Variants in CHST11 observed in about 807,000 individuals in gnomAD.
CHST11 encodes the protein carbohydrate sulfotransferase 11, also known as C4S-1.
CHST11 carries 9 observed loss-of-function variants against 30.4 expected under a neutral mutation model. That is an observed-to-expected ratio of 0.30 (90% CI 0.18 to 0.52). CHST11 has a LOEUF of 0.52. Among genes scored for constraint, CHST11 ranks in the 20% least tolerant of loss-of-function variants. The pLI is 0.97. For synonymous variants in CHST11, 152 were observed against 187.8 expected, an observed-to-expected ratio of 0.81 and a Z score of 1.56; for missense variants, 348 against 460.6, an observed-to-expected ratio of 0.76 and a Z score of 2.24.
intron 2 of CHST11, among the ~76,000 whole-genome samples, chr12:104,670,595 A>C (rs1367497393): frequency 6.9e-6 from 1 of 145,394 alleles, no homozygotes. Flanking sequence ...TCATACACAC[A>C]CTCCCACACA....
chr12:104,677,712 C>G (rs1357026225), intron 2 of CHST11, among the ~76,000 whole-genome samples: 1 of 152,256 alleles, frequency 6.6e-6, no homozygotes, highest in Non-Finnish European at 1.5e-5. Context: ...TGGCGCATAG[C>G]TGCGCACAGC....
chr12:104,632,458 A>C (rs2039279896), intron 2 of CHST11, among the ~76,000 whole-genome samples: 1 of 152,214 alleles, frequency 6.6e-6, no homozygotes, highest in Admixed American at 6.5e-5. Flanking sequence ...GAAGTGCTAG[A>C]TACAAGAGGA....
At chr12:104,666,990 C>T (rs576029122) in intron 2 of CHST11, among the ~76,000 whole-genome samples, 285 of 152,258 alleles carry the variant, frequency 1.9e-3, no homozygotes, top group Middle Eastern at 3.4e-3. Context: ...ATAGGAGGTA[C>T]CTTTAAAACG....
chr12:104,526,682 G>A (rs540700335), intron 1 of CHST11, among the ~76,000 whole-genome samples: 1 of 152,300 alleles, frequency 6.6e-6, no homozygotes, highest in Admixed American at 6.5e-5. Flanking sequence ...TCAACCCACT[G>A]CAAGTCTTGT....
At chr12:104,745,952 C>T (rs1592871780) in intron 2 of CHST11, among the ~76,000 whole-genome samples, 1 of 152,158 alleles carries the variant, frequency 6.6e-6, no homozygotes, top group African/African-American at 2.4e-5. Context: ...CCTGATCACC[C>T]TGGCCAGAAA....
chr12:104,669,097 C>T (rs147894244), intron 2 of CHST11, among the ~76,000 whole-genome samples: 84 of 152,334 alleles, frequency 5.5e-4, no homozygotes, highest in Non-Finnish European at 1.1e-3. Flanking sequence ...GTGCGTTAGA[C>T]GTACGCACCC....
chr12:104,734,617 T>C (rs112910241), intron 2 of CHST11, among the ~76,000 whole-genome samples: 9 of 152,154 alleles, frequency 5.9e-5, no homozygotes, highest in Non-Finnish European at 1.2e-4. Context: ...TACTTTGCCA[T>C]GGGGAGGAAT....
At position 104,758,912 on chromosome 12, in the gene CHST11, C is replaced by T. The variant is rs1482872652; in HGVS notation, c.*1109C>T. 1 of 152,128 alleles carries T rather than the reference C, an allele frequency of 6.6e-6. No homozygotes were observed. Among genetic ancestry groups the T allele is most frequent in the Non-Finnish European group, 1.5e-5 (1 of 68,034 alleles). The allele number at this position is 152,128 out of a possible 1,614,324, so 9.4% of individuals were successfully genotyped here. A position where few individuals can be genotyped will look rare whatever the true frequency, so the allele number is the denominator to read the frequency against. ...TGATGGGTAATGTCTGCCTTTAAGCCCCAGAATGGATTCTCCAGGCACAGT... is the reference window on the plus strand; with the variant it reads ...TGATGGGTAATGTCTGCCTTTAAGCTCCAGAATGGATTCTCCAGGCACAGT... On this transcript the variant is annotated 3_prime_UTR_variant, in exon 3 of 3. Coordinates refer to ENST00000303694, the MANE Select transcript of CHST11 (RefSeq NM_018413.6).
intron 1 of CHST11, among the ~76,000 whole-genome samples, chr12:104,556,406 AT>A (rs1358010384): frequency 6.6e-6 from 1 of 152,150 alleles, no homozygotes; most frequent in Non-Finnish European, 1.5e-5. Flanking sequence ...TGCCATACAA[AT>A]TCTCATTATC....
At chr12:104,623,330 T>C (rs772321956) in intron 2 of CHST11, among the ~76,000 whole-genome samples, 4 of 152,214 alleles carry the variant, frequency 2.6e-5, no homozygotes, top group Admixed American at 2.0e-4. Flanking sequence ...GGAAGCTGTT[T>C]GTAAACTGTA....
At chr12:104,724,659 C>T (rs555231524) in intron 2 of CHST11, among the ~76,000 whole-genome samples, 23 of 152,084 alleles carry the variant, frequency 1.5e-4, no homozygotes, top group Admixed American at 8.5e-4. Context: ...CTTTCTGGGC[C>T]GCTCCTTGCC....
At chr12:104,603,994 T>C (rs2038980466) in intron 2 of CHST11, among the ~76,000 whole-genome samples, 1 of 152,214 alleles carries the variant, frequency 6.6e-6, no homozygotes, top group Non-Finnish European at 1.5e-5. Context: ...TATAGCTTAG[T>C]AGCTTAGCAG....
chr12:104,725,341 A>G (rs2136129243), intron 2 of CHST11, among the ~76,000 whole-genome samples: 1 of 152,306 alleles, frequency 6.6e-6, no homozygotes, highest in Admixed American at 6.5e-5. Flanking sequence ...CCGAAACAAG[A>G]AAACAGCAGT....
intron 2 of CHST11, among the ~76,000 whole-genome samples, chr12:104,738,438 G>A (rs900730627): frequency 1.3e-5 from 2 of 152,180 alleles, no homozygotes; most frequent in South Asian, 2.1e-4. Flanking sequence ...AAGCTGGAAC[G>A]GCACTCCTGT....
intron 1 of CHST11, among the ~76,000 whole-genome samples, chr12:104,497,758 G>A (rs6539156): frequency 0.017 from 2,531 of 152,088 alleles, 70 homozygotes; most frequent in African/African-American, 0.058. Flanking sequence ...GTGATAGTGG[G>A]TGACATGGAC....
chr12:104,663,515 A>T (rs572746589), intron 2 of CHST11, among the ~76,000 whole-genome samples: 3 of 152,258 alleles, frequency 2.0e-5, no homozygotes, highest in East Asian at 3.9e-4. Flanking sequence ...TGTATTTTTT[A>T]AAAAATGAAT....
chr12:104,720,832 C>T (rs1375567755), intron 2 of CHST11, among the ~76,000 whole-genome samples: 2 of 152,188 alleles, frequency 1.3e-5, no homozygotes, highest in Admixed American at 1.3e-4. Flanking sequence ...GGACCAGTCG[C>T]TGCTGCTTTG....
chr12:104,609,540 A>G (rs2136052228), intron 2 of CHST11, among the ~76,000 whole-genome samples: 1 of 152,336 alleles, frequency 6.6e-6, no homozygotes, highest in South Asian at 2.1e-4. Context: ...CAGTCAAGCC[A>G]GGGGACATGA....
intron 2 of CHST11, among the ~76,000 whole-genome samples, chr12:104,705,388 G>C (rs916013334): frequency 2.0e-5 from 3 of 152,124 alleles, no homozygotes; most frequent in African/African-American, 7.2e-5. Context: ...TGAGGACCAG[G>C]GGTCGCAGGT....
Sources: gnomAD v4.1 joint callset for allele counts (sites outside exome capture counted in the v4.1 genomes callset) on GRCh38, gnomAD v4.1.1 for gene constraint, MANE v1.5 for transcripts, NCBI Gene and HGNC (gene_info 2026-07-23, HGNC 2026-07-21) for gene names.